The following GLI2 variants were observed in gnomAD, a reference collection of about 807,000 sequenced individuals.
GLI2 encodes the protein transcription activator GLI2.
In GLI2, 22 loss-of-function variants were observed where a neutral mutation model predicts 78.9. That is an observed-to-expected ratio of 0.28 (90% CI 0.20 to 0.40). The LOEUF (loss-of-function observed/expected upper bound fraction) is 0.40, where lower values mean the gene tolerates loss of function less well. GLI2 is among the 10% of genes least tolerant of loss of function. The pLI, the probability that GLI2 is intolerant of heterozygous loss-of-function variation, is 1.00. For missense variants in GLI2, 2,097 were observed against 2,213.2 expected (o/e 0.95, Z 1.05); for synonymous variants, 974 against 963.7 (o/e 1.01, Z -0.20).
At chr2:120,913,872 G>T (rs886348683) in intron 2 of GLI2, among the ~76,000 whole-genome samples, 1 of 152,186 alleles carries the variant, frequency 6.6e-6, no homozygotes, top group African/African-American at 2.4e-5. Context: ...CCATCACCAG[G>T]GCCTGGTGGA....
chr2:120,899,169 T>TCATTGTGAGC (rs1444798645), intron 2 of GLI2, among the ~76,000 whole-genome samples: 1 of 152,068 alleles, frequency 6.6e-6, no homozygotes, highest in Non-Finnish European at 1.5e-5. Flanking sequence ...GAGAGCAGGC[T>TCATTGTGAGC]CATTGTGAGC....
At chr2:120,868,776 G>A (rs955382568) in intron 2 of GLI2, among the ~76,000 whole-genome samples, 1 of 152,222 alleles carries the variant, frequency 6.6e-6, no homozygotes, top group Non-Finnish European at 1.5e-5. Context: ...GGATGCAGCA[G>A]CAGTGTCCTG....
chr2:120,741,720 G>T (rs543748217), intron 1 of GLI2, among the ~76,000 whole-genome samples: 1 of 152,144 alleles, frequency 6.6e-6, no homozygotes, highest in Non-Finnish European at 1.5e-5. Context: ...CGCCGACCGT[G>T]CCGCGGCCGG....
intron 2 of GLI2, among the ~76,000 whole-genome samples, chr2:120,838,719 T>G (rs1182694707): frequency 6.6e-6 from 1 of 152,210 alleles, no homozygotes; most frequent in Non-Finnish European, 1.5e-5. Flanking sequence ...TCCCATAAGA[T>G]TATAATCCCA....
At chr2:120,804,533 C>T (rs1169211397) in intron 2 of GLI2, among the ~76,000 whole-genome samples, 2 of 152,240 alleles carry the variant, frequency 1.3e-5, no homozygotes, top group African/African-American at 2.4e-5. Context: ...GGGCCACCTT[C>T]CCTGGCTTAT....
At chr2:120,747,271 A>G (rs1300124507) in intron 1 of GLI2, among the ~76,000 whole-genome samples, 1 of 152,202 alleles carries the variant, frequency 6.6e-6, no homozygotes, top group East Asian at 1.9e-4. Flanking sequence ...AATGTAAGAC[A>G]ATTATTTTGT....
chr2:120,751,303 C>CT (rs1211898021), intron 1 of GLI2, among the ~76,000 whole-genome samples: 1 of 152,020 alleles, frequency 6.6e-6, no homozygotes, highest in Non-Finnish European at 1.5e-5. Context: ...TAATTCTAGT[C>CT]TTTTTTTCCT....
intron 1 of GLI2, among the ~76,000 whole-genome samples, chr2:120,795,101 G>C (rs577670215): frequency 6.6e-6 from 1 of 152,222 alleles, no homozygotes; most frequent in African/African-American, 2.4e-5. Flanking sequence ...GAGTGTGGTA[G>C]TGTGCACCTG....
chr2:120,932,173 G>A (rs190519314), intron 3 of GLI2, among the ~76,000 whole-genome samples: 9 of 152,308 alleles, frequency 5.9e-5, no homozygotes, highest in East Asian at 5.8e-4. Flanking sequence ...GTTGTAGCTC[G>A]CTTCTCCCTG....
intron 2 of GLI2, among the ~76,000 whole-genome samples, chr2:120,910,587 C>T (rs757927009): frequency 3.9e-5 from 6 of 152,240 alleles, no homozygotes; most frequent in African/African-American, 1.4e-4. Context: ...TTGCCATCCT[C>T]GCCGCCCTAA....
intron 1 of GLI2, among the ~76,000 whole-genome samples, chr2:120,776,941 C>G (rs797011051): frequency 1.1e-4 from 17 of 152,346 alleles, no homozygotes; most frequent in African/African-American, 4.1e-4. Context: ...ACTCCCTCCT[C>G]TCACAGCTGG....
intron 1 of GLI2, among the ~76,000 whole-genome samples, chr2:120,777,298 G>A (rs1395116894): frequency 1.3e-5 from 2 of 152,078 alleles, no homozygotes; most frequent in Non-Finnish European, 2.9e-5. Context: ...GTTCCTGTGA[G>A]TCCAAGGAGA....
At chr2:120,840,396 G>T (rs770844224) in intron 2 of GLI2, among the ~76,000 whole-genome samples, 19 of 152,206 alleles carry the variant, frequency 1.2e-4, no homozygotes, top group Non-Finnish European at 2.4e-4. Context: ...GTGTGTGTCT[G>T]CATGTCTGTG....
At chr2:120,948,674 AC>A (rs1453394541) in intron 3 of GLI2, among the ~76,000 whole-genome samples, 3 of 152,170 alleles carry the variant, frequency 2.0e-5, no homozygotes, top group African/African-American at 7.2e-5. Flanking sequence ...GTGTGGCCTC[AC>A]CATGTAGCTT....
chr2:120,966,935 C>G (rs1019984582), intron 5 of GLI2, among the ~76,000 whole-genome samples: 1 of 152,220 alleles, frequency 6.6e-6, no homozygotes, highest in Non-Finnish European at 1.5e-5. Context: ...TGGGAGCACC[C>G]GCCAAGAGGC....
rs75888163 is a variant in GLI2, at chr2:120,829,592, G to A, written c.148+32124G>A. Among the ~76,000 whole-genome samples the A allele has an allele frequency of 2.6e-5, 4 of 152,356 alleles. No homozygotes were observed. The East Asian group carries it at 7.7e-4, about 29-fold the overall frequency. ...TAAACCAAGGCTGGGCCTAACAGCT[G>A]TTTCCCAGGAGGTTCTCATCTGAGT... On this transcript the variant is annotated intron_variant, in intron 2 of 13. Transcript: ENST00000361492.
intron 3 of GLI2, among the ~76,000 whole-genome samples, chr2:120,939,212 G>A (rs1382923465): frequency 2.0e-5 from 3 of 152,158 alleles, no homozygotes; most frequent in East Asian, 1.9e-4. Flanking sequence ...AACCTAGGAG[G>A]CGGAAGTTGC....
intron 2 of GLI2, among the ~76,000 whole-genome samples, chr2:120,899,097 C>T (rs1022074495): frequency 3.3e-5 from 5 of 152,202 alleles, no homozygotes; most frequent in African/African-American, 1.2e-4. Context: ...GGAAACTCCT[C>T]TGAAGGACAG....
chr2:120,818,419 G>A (rs1329495672), intron 2 of GLI2, among the ~76,000 whole-genome samples: 1 of 152,262 alleles, frequency 6.6e-6, no homozygotes, highest in Admixed American at 6.5e-5. Context: ...CCTTTGAACT[G>A]GCTGGGCCTA....
Sources: allele counts gnomAD v4.1 joint callset (sites outside exome capture counted in the v4.1 genomes callset), GRCh38; gene constraint gnomAD v4.1.1; transcripts MANE v1.5; gene names NCBI Gene and HGNC (gene_info 2026-07-23, HGNC 2026-07-21).